SRRM4: variants seen among roughly 807,000 people sequenced by gnomAD.
SRRM4 encodes serine/arginine repetitive matrix protein 4.
SRRM4 carries 33 observed loss-of-function variants against 68.9 expected under a neutral mutation model. The observed-to-expected ratio is 0.48, with a 90% CI of 0.36 to 0.64. SRRM4 has a LOEUF of 0.64. Ranked by LOEUF, SRRM4 falls within the 30% of genes least tolerant of loss-of-function variation. The probability of loss-of-function intolerance (pLI) is 0.00; values close to 1 mark genes in which losing one functional copy is unlikely to be tolerated. For synonymous variants in SRRM4, 318 were observed against 318.8 expected (o/e 1.00, Z 0.03); for missense variants, 817 against 827.1 (o/e 0.99, Z 0.15).
intron 1 of SRRM4, among the ~76,000 whole-genome samples, chr12:119,003,651 G>C (rs76797788): frequency 0.028 from 4,269 of 151,922 alleles, 221 homozygotes; most frequent in African/African-American, 0.098. Flanking sequence ...CCCTCCCAAT[G>C]GGCAGCAGAA....
chr12:119,107,577 T>A (rs1215402059), intron 2 of SRRM4, among the ~76,000 whole-genome samples: 17 of 152,232 alleles, frequency 1.1e-4, no homozygotes, highest in Non-Finnish European at 2.9e-5. Flanking sequence ...AATTTATCCA[T>A]TTCTTCTAGA....
At chr12:118,990,357 G>C (rs1359700119) in intron 1 of SRRM4, among the ~76,000 whole-genome samples, 1 of 152,158 alleles carries the variant, frequency 6.6e-6, no homozygotes, top group Non-Finnish European at 1.5e-5. Context: ...CTTACTATTT[G>C]TTTTGAACAG....
At chr12:119,143,910 G>C (rs1304403347) in intron 8 of SRRM4, among the ~76,000 whole-genome samples, 1 of 152,106 alleles carries the variant, frequency 6.6e-6, no homozygotes, top group Non-Finnish European at 1.5e-5. Context: ...TCTGGAGAAG[G>C]CCCAGGGCAG....
chr12:119,021,681 C>T (rs1318846171), intron 1 of SRRM4, among the ~76,000 whole-genome samples: 5 of 152,164 alleles, frequency 3.3e-5, no homozygotes, highest in African/African-American at 4.8e-5. Flanking sequence ...GATGTGCTTG[C>T]GACTTCATTG....
At chr12:119,038,219 T>TC (rs1953642196) in intron 1 of SRRM4, among the ~76,000 whole-genome samples, 1 of 151,606 alleles carries the variant, frequency 6.6e-6, no homozygotes, top group Admixed American at 6.6e-5. Context: ...TTTTTTTTTT[T>TC]TTTGAGACAG....
At chr12:119,100,866 G>A (rs1045959154) in intron 1 of SRRM4, among the ~76,000 whole-genome samples, 1 of 152,200 alleles carries the variant, frequency 6.6e-6, no homozygotes, top group African/African-American at 2.4e-5. Flanking sequence ...CAGGATGGAA[G>A]GGAGTTCTGG....
intron 1 of SRRM4, among the ~76,000 whole-genome samples, chr12:119,064,464 G>A (rs1953833485): frequency 6.6e-6 from 1 of 152,108 alleles, no homozygotes; most frequent in Non-Finnish European, 1.5e-5. Flanking sequence ...AGCCAGAGGA[G>A]TCAGCCAAAG....
intron 8 of SRRM4, among the ~76,000 whole-genome samples, chr12:119,142,584 A>T (rs1031032671): frequency 2.0e-5 from 3 of 152,222 alleles, no homozygotes; most frequent in Non-Finnish European, 4.4e-5. Flanking sequence ...TGGGAGAGAA[A>T]GGCCCAGCCT....
rs1345965610 is a variant in SRRM4, at chr12:119,153,545, C to T, written c.1287C>T (p.Tyr429=). The change falls in exon 11 of 13, where the codon TAC becomes TAT. Residue 429 remains tyrosine (Y), a synonymous_variant. Coordinates refer to ENST00000267260, the MANE Select transcript of SRRM4 (RefSeq NM_194286.4). ...SRSTSSEKRS[Y]SRSPSYSSKS... is the part of the protein sequence containing the mutation. ...GCTGTTACCTCTCCCCCAGGTCCTA[C>T]TCCCGCTCTCCCAGCTATTCCTCCA... is the stretch of plus-strand genomic sequence containing the variant. 2 of 1,566,852 alleles carry T rather than the reference C, an allele frequency of 1.3e-6. No individual in the cohort carries two copies. The highest frequency in any genetic ancestry group is 1.7e-6 in the Non-Finnish European group (2 of 1,156,174).
At chr12:119,103,339 A>T (rs1385787634) in intron 2 of SRRM4, among the ~76,000 whole-genome samples, 1 of 152,050 alleles carries the variant, frequency 6.6e-6, no homozygotes, top group Non-Finnish European at 1.5e-5. Context: ...GATTTGTTGT[A>T]TACATTATTT....
chr12:118,992,731 G>A lies in SRRM4; in HGVS notation c.131+10718G>A, dbSNP rs1038609688. 5.3e-5 allele frequency among the ~76,000 whole-genome samples: 8 copies of A among 152,126 alleles called. No individual in the cohort carries two copies. In the South Asian group the frequency reaches 1.2e-3, roughly 24 times the overall value. ...ACTTAGTCTACTGTCAGGATGAGAG[G>A]GCAGCCAGGGGGACCTTCAGAACTC... On this transcript the variant is annotated intron_variant, in intron 1 of 12. Coordinates refer to ENST00000267260, the MANE Select transcript of SRRM4 (RefSeq NM_194286.4).
chr12:119,003,292 C>A (rs1397479922), intron 1 of SRRM4, among the ~76,000 whole-genome samples: 1 of 151,718 alleles, frequency 6.6e-6, no homozygotes, highest in Non-Finnish European at 1.5e-5. Context: ...CCAGCGTCAT[C>A]CAATCTAAGA....
chr12:119,028,609 C>A (rs890878885), intron 1 of SRRM4, among the ~76,000 whole-genome samples: 3 of 152,136 alleles, frequency 2.0e-5, no homozygotes, highest in Admixed American at 2.0e-4. Context: ...TTATCAGCAG[C>A]ATGAAAATGG....
intron 1 of SRRM4, among the ~76,000 whole-genome samples, chr12:119,087,733 C>T (rs542208301): frequency 6.6e-5 from 10 of 152,158 alleles, no homozygotes; most frequent in South Asian, 2.1e-4. Context: ...AGACATGATC[C>T]GCAGTGGAAA....
intron 1 of SRRM4, among the ~76,000 whole-genome samples, chr12:119,005,970 G>T (rs1019510721): frequency 6.6e-6 from 1 of 152,236 alleles, no homozygotes; most frequent in South Asian, 2.1e-4. Flanking sequence ...TGCCAGATGG[G>T]TCTCACAGCC....
chr12:119,116,896 T>TA, intron 3 of SRRM4, 41 bp from the exon 4 acceptor site: 1 of 1,602,934 alleles, frequency 6.2e-7, no homozygotes, highest in Non-Finnish European at 8.5e-7. Context: ...CCTTGGCCTT[T>TA]AAGAGCCTCC....
In SRRM4 at chr12:119,126,014, C is replaced by CTTTTTTTTTTT. The variant is rs34680171; in HGVS notation, c.614+552_614+562dup. The stretch of plus-strand genomic sequence containing the variant: ...AGGAATGACAACACCATACTAGCTG[C>CTTTTTTTTTTT]TTTTTTTTTTTTTTTTTTTTTTTTT... On this transcript the variant is annotated intron_variant, in intron 7 of 12. Coordinates refer to ENST00000267260, the MANE Select transcript of SRRM4 (RefSeq NM_194286.4). 5.9e-4 allele frequency among the ~76,000 whole-genome samples: 42 copies of CTTTTTTTTTTT among 71,162 alleles called. 10 individuals are homozygous for CTTTTTTTTTTT. Among genetic ancestry groups the CTTTTTTTTTTT allele is most frequent in the African/African-American group, 2.3e-3 (40 of 17,722 alleles). The allele number at this position is 71,162 out of a possible 152,430, so 46.7% of individuals were successfully genotyped here. A position where few individuals can be genotyped will look rare whatever the true frequency, so the allele number is the denominator to read the frequency against.
intron 1 of SRRM4, among the ~76,000 whole-genome samples, chr12:119,024,247 C>A (rs1594031654): frequency 6.6e-6 from 1 of 152,178 alleles, no homozygotes; most frequent in Non-Finnish European, 1.5e-5. Flanking sequence ...TTGAGGCTGA[C>A]AAGGGCCAGA....
In SRRM4 at chr12:119,157,021, C is replaced by A; in HGVS notation, c.*223C>A. On this transcript the variant is annotated 3_prime_UTR_variant, in exon 13 of 13. Transcript: ENST00000267260. This position sits in a 1 kb window ranked among gnomAD's most constrained non-coding sequence, Gnocchi z 4.1. The stretch of plus-strand genomic sequence containing the variant: ...TCCTGGGGCCCAGCTCAGGCCTGGG[C>A]ATATGGAAAGAACCATCATCTTGTG... 1 of 526,622 alleles carries A rather than the reference C, an allele frequency of 1.9e-6. No individual in the cohort carries two copies. The highest frequency in any genetic ancestry group is 3.2e-6 in the Non-Finnish European group (1 of 307,986). 32.6% of individuals were successfully genotyped at this position (526,622 alleles called of 1,614,324 possible).
Sources: gnomAD v4.1 joint callset for allele counts (sites outside exome capture counted in the v4.1 genomes callset) on GRCh38, gnomAD v4.1.1 for gene constraint, Gnocchi (gnomAD v3.1) non-coding constraint, MANE v1.5 for transcripts, NCBI Gene and HGNC (gene_info 2026-07-23, HGNC 2026-07-21) for gene names.